The following CCSER1 variants were observed in gnomAD, a reference collection of about 807,000 sequenced individuals.
The protein encoded by CCSER1 is serine-rich coiled-coil domain-containing protein 1.
CCSER1 carries 41 observed loss-of-function variants against 82.0 expected under a neutral mutation model. That is an observed-to-expected ratio of 0.50 (90% CI 0.39 to 0.65). The LOEUF is 0.65. Ranked by LOEUF, CCSER1 falls within the 30% of genes least tolerant of loss-of-function variation. CCSER1 has a pLI of 0.00. For synonymous variants in CCSER1, 414 were observed against 383.9 expected (o/e 1.08, Z -0.92); for missense variants, 1,119 against 1,064.2 (o/e 1.05, Z -0.72).
chr4:91,041,796 C>T (rs1377616205), intron 9 of CCSER1, among the ~76,000 whole-genome samples: 1 of 152,182 alleles, frequency 6.6e-6, no homozygotes, highest in Admixed American at 6.5e-5. Context: ...AATTATAATG[C>T]TGCCAAATCT....
At position 91,493,769 on chromosome 4, in the gene CCSER1, T is replaced by C. The variant is rs1267717132; in HGVS notation, c.2218-104803T>C. Among the ~76,000 whole-genome samples, 3 of 151,862 alleles carry C rather than the reference T, an allele frequency of 2.0e-5. No homozygotes were observed. The East Asian group carries it at 5.8e-4, about 29-fold the overall frequency. ...AACTCATGAGGTGATTCCTTATCAATAAAATGATAATGTCATTAATTTCTT... is the reference window on the plus strand; with the variant it reads ...AACTCATGAGGTGATTCCTTATCAACAAAATGATAATGTCATTAATTTCTT... On this transcript the variant is annotated intron_variant, in intron 10 of 10. Transcript: ENST00000509176.
intron 10 of CCSER1, among the ~76,000 whole-genome samples, chr4:91,125,146 T>C (rs1727403583): frequency 6.6e-6 from 1 of 151,706 alleles, no homozygotes. Context: ...TTTGTATATA[T>C]ATTTAGGTAT....
At chr4:90,535,278 T>C (rs1350702370) in intron 5 of CCSER1, among the ~76,000 whole-genome samples, 1 of 152,110 alleles carries the variant, frequency 6.6e-6, no homozygotes, top group Non-Finnish European at 1.5e-5. Context: ...AGAGCTTTGT[T>C]AGTATAGGCA....
chr4:90,732,056 T>TCTCTCTCTCA (rs761678318), intron 7 of CCSER1, among the ~76,000 whole-genome samples: 67 of 144,776 alleles, frequency 4.6e-4, no homozygotes, highest in Middle Eastern at 3.8e-3. Flanking sequence ...TCTCTCTCTC[T>TCTCTCTCTCA]CTCTCACTGC....
chr4:90,533,084 GTTTTTTTTTTTTTT>G (rs59215370), intron 5 of CCSER1, among the ~76,000 whole-genome samples: 1 of 88,994 alleles, frequency 1.1e-5, no homozygotes, highest in Non-Finnish European at 2.0e-5. Context: ...ATTTCTGTGG[GTTTTTTTTTTTTTT>G]TTTTTTTTTT....
At position 90,220,396 on chromosome 4, in the gene CCSER1, T is replaced by A. The variant is rs1008407388; in HGVS notation, c.-41-87848T>A. 9.2e-5 allele frequency among the ~76,000 whole-genome samples: 14 copies of A among 152,148 alleles called. 1 individual carries two copies. The highest frequency in any genetic ancestry group is 3.4e-4 in the African/African-American group (14 of 41,444). ...CTGGGGCTTATTCTTCTATGATTTT[T>A]TTTTTAACTTTGTCGCCTATGTGAT... is the stretch of plus-strand genomic sequence containing the variant. On this transcript the variant is annotated intron_variant, in intron 1 of 10. Coordinates refer to ENST00000509176, the MANE Select transcript of CCSER1 (RefSeq NM_001145065.2).
intron 6 of CCSER1, 125 bp from the exon 7 acceptor site, chr4:90,723,789 T>A (rs1743133010): frequency 1.4e-5 from 6 of 428,138 alleles, no homozygotes; most frequent in Middle Eastern, 6.1e-4. Flanking sequence ...TTAAATCTGA[T>A]TTTTTACATT....
At chr4:90,644,601 A>G (rs772547361) in intron 6 of CCSER1, among the ~76,000 whole-genome samples, 3 of 151,914 alleles carry the variant, frequency 2.0e-5, no homozygotes, top group Non-Finnish European at 4.4e-5. Context: ...TGCATTGGCT[A>G]TTTATCCTGA....
intron 5 of CCSER1, among the ~76,000 whole-genome samples, chr4:90,541,606 A>G (rs749652516): frequency 7.2e-5 from 11 of 152,110 alleles, no homozygotes; most frequent in Non-Finnish European, 1.6e-4. Flanking sequence ...AGTCTTCTTT[A>G]TATGTTAGCT....
chr4:90,994,114 G>T (rs1428146088), intron 9 of CCSER1, among the ~76,000 whole-genome samples: 1 of 151,900 alleles, frequency 6.6e-6, no homozygotes, highest in African/African-American at 2.4e-5. Context: ...TGGAAGCATT[G>T]CTTGAACCCA....
At position 91,419,618 on chromosome 4, in the gene CCSER1, G is replaced by T. The variant is rs116357010; in HGVS notation, c.2218-178954G>T. On this transcript the variant is annotated intron_variant, in intron 10 of 10. Coordinates refer to ENST00000509176, the MANE Select transcript of CCSER1 (RefSeq NM_001145065.2). ...TTGAAAGAATTAATCTTGTTAAAAT[G>T]TCCATACTATCCAAAGTAATCTATA... Among the ~76,000 whole-genome samples, 180 of 152,082 alleles carry T rather than the reference G, an allele frequency of 1.2e-3. 1 individual carries two copies. Among genetic ancestry groups the T allele is most frequent in the Admixed American group, 2.2e-3 (33 of 15,270 alleles).
intron 10 of CCSER1, among the ~76,000 whole-genome samples, chr4:91,438,011 A>G (rs1174239495): frequency 3.3e-5 from 5 of 152,208 alleles, no homozygotes; most frequent in Admixed American, 3.3e-4. Flanking sequence ...CCACAGCTCA[A>G]GGAGGCCTGC....
At chr4:90,179,074 G>A (rs1018308284) in intron 1 of CCSER1, among the ~76,000 whole-genome samples, 2 of 152,100 alleles carry the variant, frequency 1.3e-5, no homozygotes, top group Non-Finnish European at 2.9e-5. Context: ...TGCTGGTGTA[G>A]GAAGTGATTC....
intron 10 of CCSER1, among the ~76,000 whole-genome samples, chr4:91,086,716 T>G (rs1723434989): frequency 1.3e-5 from 2 of 152,132 alleles, no homozygotes; most frequent in Non-Finnish European, 2.9e-5. Flanking sequence ...AAAATCTTAC[T>G]GTCCTCTCCA....
rs536735828 is a variant in CCSER1, at chr4:91,125,000, C to T, written c.2217+39006C>T. Among the ~76,000 whole-genome samples, 433 of 151,768 alleles carry T rather than the reference C, an allele frequency of 2.9e-3. 1 individual carries two copies. Among genetic ancestry groups the T allele is most frequent in the Non-Finnish European group, 5.0e-3 (341 of 67,746 alleles). On this transcript the variant is annotated intron_variant, in intron 10 of 10. Transcript: ENST00000509176. ...TGTAAGTGAAAGCAAGATTAACATA[C>T]CTTTTAACTTCTTGGATGTAAGTCC... is the stretch of plus-strand genomic sequence containing the variant.
At chr4:91,322,342 C>G (rs139525917) in intron 10 of CCSER1, among the ~76,000 whole-genome samples, 1 of 152,174 alleles carries the variant, frequency 6.6e-6, no homozygotes, top group African/African-American at 2.4e-5. Flanking sequence ...TTGTAACTAT[C>G]TGAGTCTCTG....
chr4:91,297,387 G>GTGTA (rs1553921599), intron 10 of CCSER1, among the ~76,000 whole-genome samples: 5 of 76,798 alleles, frequency 6.5e-5, no homozygotes, highest in African/African-American at 2.4e-4. Context: ...GTGTGTGTAT[G>GTGTA]TGTGTGTGTG....
At chr4:90,799,627 C>T (rs1756516250) in intron 7 of CCSER1, among the ~76,000 whole-genome samples, 1 of 152,080 alleles carries the variant, frequency 6.6e-6, no homozygotes, top group South Asian at 2.1e-4. Context: ...GTGCTCAGGT[C>T]GCGCAGGCCC....
At chr4:90,612,359 A>G (rs537308417) in intron 5 of CCSER1, among the ~76,000 whole-genome samples, 15 of 152,292 alleles carry the variant, frequency 9.8e-5, no homozygotes, top group African/African-American at 3.1e-4. Flanking sequence ...GGTATATTTC[A>G]TCACTTAAAA....
Sources: gnomAD v4.1 joint callset for allele counts (sites outside exome capture counted in the v4.1 genomes callset) on GRCh38, gnomAD v4.1.1 for gene constraint, MANE v1.5 for transcripts, NCBI Gene and HGNC (gene_info 2026-07-23, HGNC 2026-07-21) for gene names.